The following GALNT17 variants were observed in gnomAD, a reference collection of about 807,000 sequenced individuals.
The protein encoded by GALNT17 is polypeptide N-acetylgalactosaminyltransferase 17, also known as UDP-GalNAc:polypeptide N-acetylgalactosaminyltransferase-like 3.
Under a neutral mutation model 63.7 loss-of-function variants are expected in GALNT17, and 29 were observed. The ratio of observed to expected loss-of-function variants is 0.46; its 90% CI spans 0.34 to 0.62. The LOEUF is 0.62. Ranked by LOEUF, GALNT17 falls within the 20% of genes least tolerant of loss-of-function variation. The probability of loss-of-function intolerance (pLI) is 0.01; values close to 1 mark genes in which losing one functional copy is unlikely to be tolerated. For synonymous variants in GALNT17, 305 were observed against 318.3 expected (o/e 0.96, Z 0.45); for missense variants, 603 against 799.6 (o/e 0.75, Z 2.97).
chr7:71,619,284 T>C (rs993244191), intron 6 of GALNT17, among the ~76,000 whole-genome samples: 5 of 152,220 alleles, frequency 3.3e-5, no homozygotes, highest in African/African-American at 1.2e-4. Context: ...AGCTCCTTTT[T>C]GGATCCATAT....
At chr7:71,358,935 G>A (rs1455414090) in intron 2 of GALNT17, among the ~76,000 whole-genome samples, 2 of 152,084 alleles carry the variant, frequency 1.3e-5, no homozygotes, top group Admixed American at 6.5e-5. Context: ...CACCACATCC[G>A]GCTACTTTTT....
At chr7:71,462,177 A>G (rs999371503) in intron 5 of GALNT17, among the ~76,000 whole-genome samples, 1 of 152,116 alleles carries the variant, frequency 6.6e-6, no homozygotes, top group African/African-American at 2.4e-5. Context: ...GGTGCAGTGC[A>G]TGCTTCTCCC....
At chr7:71,223,332 A>C (rs58475307) in intron 1 of GALNT17, among the ~76,000 whole-genome samples, 8,284 of 152,086 alleles carry the variant, frequency 0.054, 736 homozygotes, top group African/African-American at 0.19. Context: ...TGTCCCTTCT[A>C]TCCCAGTTAT....
intron 1 of GALNT17, among the ~76,000 whole-genome samples, chr7:71,185,211 C>G (rs1042109964): frequency 4.9e-5 from 7 of 143,806 alleles, no homozygotes; most frequent in Non-Finnish European, 1.1e-4. Context: ...CTGTCTGTCT[C>G]TCTCTCTTTC....
chr7:71,248,251 C>T (rs1170739692), intron 1 of GALNT17, among the ~76,000 whole-genome samples: 2 of 152,272 alleles, frequency 1.3e-5, no homozygotes, highest in African/African-American at 4.8e-5. Context: ...AACTCACTGT[C>T]GTGAGAACAG....
At chr7:71,271,836 T>G (rs1790593769) in intron 1 of GALNT17, among the ~76,000 whole-genome samples, 1 of 152,206 alleles carries the variant, frequency 6.6e-6, no homozygotes, top group Non-Finnish European at 1.5e-5. Flanking sequence ...CACAGTTCAC[T>G]GCAGCGTCGA....
At chr7:71,437,475 T>C (rs1466118351) in intron 5 of GALNT17, among the ~76,000 whole-genome samples, 1 of 152,222 alleles carries the variant, frequency 6.6e-6, no homozygotes, top group Non-Finnish European at 1.5e-5. Context: ...TGATCAACTT[T>C]ATCACTTTCT....
At chr7:71,166,724 C>G (rs1389119902) in intron 1 of GALNT17, among the ~76,000 whole-genome samples, 1 of 151,966 alleles carries the variant, frequency 6.6e-6, no homozygotes, top group Non-Finnish European at 1.5e-5. Context: ...GTTTGTTTAC[C>G]CATTCTCTTG....
intron 1 of GALNT17, among the ~76,000 whole-genome samples, chr7:71,225,759 G>A (rs1040294163): frequency 1.3e-5 from 2 of 152,182 alleles, no homozygotes; most frequent in African/African-American, 4.8e-5. Flanking sequence ...CGGGAAAATT[G>A]GGTATAGCAT....
intron 9 of GALNT17, among the ~76,000 whole-genome samples, chr7:71,684,490 C>T (rs1584136678): frequency 6.6e-6 from 1 of 152,150 alleles, no homozygotes; most frequent in Non-Finnish European, 1.5e-5. Flanking sequence ...GACTCTGGCC[C>T]CATAGCCGCG....
intron 5 of GALNT17, among the ~76,000 whole-genome samples, chr7:71,557,171 C>A (rs548668429): frequency 1.8e-4 from 27 of 151,810 alleles, no homozygotes; most frequent in Non-Finnish European, 2.4e-4. Context: ...GGATTACAGG[C>A]GTGAACCACC....
At chr7:71,287,827 A>C (rs7789924) in intron 1 of GALNT17, among the ~76,000 whole-genome samples, 7,076 of 152,030 alleles carry the variant, frequency 0.047, 573 homozygotes, top group African/African-American at 0.16. Flanking sequence ...TGAGGCAGGC[A>C]GATCACCTGA....
intron 3 of GALNT17, among the ~76,000 whole-genome samples, chr7:71,399,496 C>T (rs181235939): frequency 6.6e-6 from 1 of 152,272 alleles, no homozygotes; most frequent in African/African-American, 2.4e-5. Context: ...GTTCTAGCTT[C>T]CTCAATTTCA....
intron 5 of GALNT17, among the ~76,000 whole-genome samples, chr7:71,559,613 C>G (rs11766113): frequency 0.54 from 81,692 of 151,958 alleles, 23,292 homozygotes; most frequent in African/African-American, 0.73. Flanking sequence ...TTTAATCCCA[C>G]CATTCTGAGA....
chr7:71,386,991 G>T (rs1346074414), intron 2 of GALNT17, among the ~76,000 whole-genome samples: 1 of 152,076 alleles, frequency 6.6e-6, no homozygotes, highest in Non-Finnish European at 1.5e-5. Context: ...GAAACAAAGG[G>T]TTTGAGTGCA....
intron 1 of GALNT17, among the ~76,000 whole-genome samples, chr7:71,172,793 A>G (rs182320434): frequency 7.2e-4 from 109 of 152,328 alleles, no homozygotes; most frequent in African/African-American, 2.5e-3. Context: ...GTAATCTGAT[A>G]ACTGAGATAA....
chr7:71,222,513 A>G (rs1356195346), intron 1 of GALNT17, among the ~76,000 whole-genome samples: 1 of 151,628 alleles, frequency 6.6e-6, no homozygotes, highest in East Asian at 2.0e-4. Flanking sequence ...GCTGGTCTTG[A>G]ACTCCTGATC....
chr7:71,318,245 A>C (rs1791535357), intron 1 of GALNT17, among the ~76,000 whole-genome samples: 1 of 151,966 alleles, frequency 6.6e-6, no homozygotes, highest in African/African-American at 2.4e-5. Flanking sequence ...ACATTTTTTC[A>C]TCTGCATGGG....
chr7:71,485,425 T>C (rs1043302566), intron 5 of GALNT17, among the ~76,000 whole-genome samples: 1 of 152,156 alleles, frequency 6.6e-6, no homozygotes, highest in Non-Finnish European at 1.5e-5. Context: ...CTTCTAGTCT[T>C]AGGTCTTACT....
Sources: allele counts gnomAD v4.1 joint callset (sites outside exome capture counted in the v4.1 genomes callset), GRCh38; gene constraint gnomAD v4.1.1; transcripts MANE v1.5; gene names NCBI Gene and HGNC (gene_info 2026-07-23, HGNC 2026-07-21).